The following PPP1R14C variants were observed in gnomAD, a reference collection of about 807,000 sequenced individuals.
PPP1R14C encodes protein phosphatase 1 regulatory subunit 14C.
A neutral mutation model predicts 20.4 loss-of-function variants in PPP1R14C; 16 were observed. The observed-to-expected ratio is 0.78, with a 90% confidence interval of 0.53 to 1.19. PPP1R14C has a LOEUF of 1.19. Among genes scored for constraint, PPP1R14C ranks in the 50% most tolerant of loss-of-function variants. The pLI, the probability that PPP1R14C is intolerant of heterozygous loss-of-function variation, is 0.00. For synonymous variants in PPP1R14C, 91 were observed against 91.0 expected, an observed-to-expected ratio of 1.00 and a Z score of 0.00; for missense variants, 211 against 220.1, an observed-to-expected ratio of 0.96 and a Z score of 0.26.
At chr6:150,154,443 C>T (rs1777283680) in intron 1 of PPP1R14C, among the ~76,000 whole-genome samples, 1 of 152,140 alleles carries the variant, frequency 6.6e-6, no homozygotes, top group African/African-American at 2.4e-5. Context: ...GTCATTTTCA[C>T]CAACAGAGTT....
chr6:150,152,119 CAAAAAAAAAAAAAAAAA>C (rs577869928), intron 1 of PPP1R14C, among the ~76,000 whole-genome samples: 1 of 84,948 alleles, frequency 1.2e-5, no homozygotes, highest in Non-Finnish European at 2.9e-5. Flanking sequence ...GACTCCGTCT[CAAAAAAAAAAAAAAAAA>C]AAAAAAAAAA....
intron 1 of PPP1R14C, among the ~76,000 whole-genome samples, chr6:150,174,848 C>T (rs189017527): frequency 6.6e-6 from 1 of 151,834 alleles, no homozygotes; most frequent in African/African-American, 2.4e-5. Context: ...CGCCTGTAAT[C>T]CCAGCTACTC....
At chr6:150,231,749 T>C (rs574433947) in intron 3 of PPP1R14C, among the ~76,000 whole-genome samples, 1 of 152,360 alleles carries the variant, frequency 6.6e-6, no homozygotes, top group Admixed American at 6.5e-5. Flanking sequence ...AAATTTTCTT[T>C]CTCAGCTTGT....
intron 1 of PPP1R14C, among the ~76,000 whole-genome samples, chr6:150,176,640 A>T (rs547979273): frequency 2.6e-5 from 4 of 152,336 alleles, no homozygotes; most frequent in African/African-American, 9.6e-5. Flanking sequence ...TCCCTGGTCC[A>T]GAAGAGTTTT....
intron 1 of PPP1R14C, among the ~76,000 whole-genome samples, chr6:150,178,530 G>T: frequency 6.6e-6 from 1 of 152,302 alleles, no homozygotes; most frequent in East Asian, 1.9e-4. Flanking sequence ...AAGTCAATAC[G>T]ATTGATTTCT....
chr6:150,193,585 AG>A (rs1485419931), intron 1 of PPP1R14C, among the ~76,000 whole-genome samples: 1 of 142,784 alleles, frequency 7.0e-6, no homozygotes, highest in Non-Finnish European at 1.5e-5. Context: ...TAAATGCTGA[AG>A]TCCTCGATGG....
chr6:150,172,802 ACTC>A (rs1271970684), intron 1 of PPP1R14C, among the ~76,000 whole-genome samples: 6 of 151,308 alleles, frequency 4.0e-5, no homozygotes, highest in African/African-American at 1.5e-4. Flanking sequence ...ACAGGAGATG[ACTC>A]CTCCTCCCCA....
Position 150,225,733 on chromosome 6 carries a change from C to G in PPP1R14C, c.423+8877C>G, listed in dbSNP as rs572452241. Among the ~76,000 whole-genome samples, 12 of 152,302 alleles carry G rather than the reference C, an allele frequency of 7.9e-5. No homozygotes were observed. The East Asian group carries it at 2.3e-3, about 29-fold the overall frequency. On this transcript the variant is annotated intron_variant, in intron 3 of 3. Coordinates refer to ENST00000361131, the MANE Select transcript of PPP1R14C (RefSeq NM_030949.3). ...AAGGAATTTGAGGCATAGAAGTGTT[C>G]TGTAATTTGCCTAAATTCACACAGT...
chr6:150,151,758 C>G (rs182664415), intron 1 of PPP1R14C, among the ~76,000 whole-genome samples: 3 of 152,152 alleles, frequency 2.0e-5, no homozygotes, highest in Non-Finnish European at 4.4e-5. Flanking sequence ...TGTCCTTGTC[C>G]AAGTTCACAC....
chr6:150,184,579 T>A (rs1777657273), intron 1 of PPP1R14C, among the ~76,000 whole-genome samples: 1 of 152,106 alleles, frequency 6.6e-6, no homozygotes, highest in African/African-American at 2.4e-5. Flanking sequence ...TTGTGTTTTG[T>A]CGTTACTATA....
At chr6:150,176,149 T>C (rs10457860) in intron 1 of PPP1R14C, among the ~76,000 whole-genome samples, 59,634 of 152,046 alleles carry the variant, frequency 0.39, 12,520 homozygotes, top group East Asian at 0.8. Flanking sequence ...ACAGGAGGGC[T>C]CTAGTGGGCA....
chr6:150,211,365 A>T (rs1010654463), intron 1 of PPP1R14C, among the ~76,000 whole-genome samples: 4 of 152,186 alleles, frequency 2.6e-5, no homozygotes. Context: ...CCTCTCACTA[A>T]TGTGGGGCAG....
intron 1 of PPP1R14C, among the ~76,000 whole-genome samples, chr6:150,196,692 A>C (rs116671467): frequency 0.013 from 1,905 of 152,314 alleles, 44 homozygotes; most frequent in African/African-American, 0.044. Flanking sequence ...ATTTGTTAAA[A>C]TTAAAGCATG....
At chr6:150,226,913 A>G (rs575126475) in intron 3 of PPP1R14C, among the ~76,000 whole-genome samples, 6 of 152,252 alleles carry the variant, frequency 3.9e-5, no homozygotes, top group South Asian at 2.1e-4. Context: ...GCCATGTGTG[A>G]TCTGGTTTGT....
intron 1 of PPP1R14C, among the ~76,000 whole-genome samples, chr6:150,147,984 C>CA (rs1342358724): frequency 6.6e-6 from 1 of 152,180 alleles, no homozygotes; most frequent in Non-Finnish European, 1.5e-5. Context: ...ACCACTTAAT[C>CA]TTACTGTATG....
At chr6:150,155,050 G>A (rs868195863) in intron 1 of PPP1R14C, among the ~76,000 whole-genome samples, 1 of 152,080 alleles carries the variant, frequency 6.6e-6, no homozygotes. Flanking sequence ...ACTAATGGTG[G>A]TATTTATTTT....
intron 3 of PPP1R14C, among the ~76,000 whole-genome samples, chr6:150,238,853 A>C (rs1200956083): frequency 6.6e-6 from 1 of 152,258 alleles, no homozygotes; most frequent in Non-Finnish European, 1.5e-5. Context: ...CTAGAATATC[A>C]GTATTTTTGA....
intron 1 of PPP1R14C, among the ~76,000 whole-genome samples, chr6:150,186,032 G>C (rs148848495): frequency 6.6e-6 from 1 of 152,158 alleles, no homozygotes; most frequent in African/African-American, 2.4e-5. Flanking sequence ...CTACCCTGTC[G>C]CTGGAAGGAG....
intron 1 of PPP1R14C, among the ~76,000 whole-genome samples, chr6:150,154,462 G>A (rs1777283849): frequency 1.3e-5 from 2 of 152,190 alleles, no homozygotes; most frequent in African/African-American, 2.4e-5. Context: ...TTTGTTTTCA[G>A]GTTTTCTTTC....
Sources: allele counts gnomAD v4.1 joint callset (sites outside exome capture counted in the v4.1 genomes callset), GRCh38; gene constraint gnomAD v4.1.1; transcripts MANE v1.5; gene names NCBI Gene and HGNC (gene_info 2026-07-23, HGNC 2026-07-21).